SATL1: variants seen among roughly 807,000 people sequenced by gnomAD.
SATL1 encodes spermidine/spermine N1-acetyl transferase like 1.
In SATL1, 47 loss-of-function variants were observed where a neutral mutation model predicts 51.8. That is an observed-to-expected ratio of 0.91 (90% CI 0.72 to 1.16). SATL1 has a LOEUF of 1.16. Ranked by LOEUF, SATL1 falls within the 50% of genes most tolerant of loss-of-function variation. The pLI, the probability that SATL1 is intolerant of heterozygous loss-of-function variation, is 0.00. For missense variants in SATL1, 520 were observed against 526.4 expected, an observed-to-expected ratio of 0.99 and a Z score of 0.12; for synonymous variants, 176 against 182.4, an observed-to-expected ratio of 0.97 and a Z score of 0.28.
Position 85,107,896 on chromosome X carries a change from T to C in SATL1, c.1073A>G (p.Gln358Arg). 1 of 1,211,699 alleles carries C rather than the reference T, an allele frequency of 8.3e-7. No homozygotes were observed. Among genetic ancestry groups the C allele is most frequent in the Middle Eastern group, 2.3e-4 (1 of 4,352 alleles). Residue 358 changes from glutamine (Q) to arginine (R), a missense_variant, in exon 3 of 8, where the codon CAA becomes CGA. Coordinates refer to ENST00000644105, the MANE Select transcript of SATL1 (RefSeq NM_001367857.2). ...CGTGCTTGATTGTCTGGGGCCTGAT[T>C]GGCTTGGGGCTCGTTGCGGTGGACC... ...QPGPPQRAPS[Q>R]SGPRQSSTSQ... is the part of the protein sequence containing the mutation.
At chrX:85,172,098 T>G (rs1926984672) in intron 2 of SATL1, among the ~76,000 whole-genome samples, 2 of 111,529 alleles carry the variant, frequency 1.8e-5, no homozygotes, top group Admixed American at 9.6e-5. Flanking sequence ...CCAATTATCT[T>G]ATATCTTCTT....
chrX:85,129,843 GT>G (rs1235237145), intron 2 of SATL1, among the ~76,000 whole-genome samples: 1 of 111,465 alleles, frequency 9.0e-6, no homozygotes, highest in Non-Finnish European at 1.9e-5. Flanking sequence ...TTTATTGAGA[GT>G]TTTTAGCATG....
chrX:85,225,128 G>A (rs1928252285), intron 1 of SATL1, among the ~76,000 whole-genome samples: 1 of 111,897 alleles, frequency 8.9e-6, no homozygotes, highest in South Asian at 3.7e-4. Context: ...GGGGGTGGGA[G>A]AAAAGTAGGT....
At chrX:85,113,693 T>C (rs1490053033) in intron 2 of SATL1, among the ~76,000 whole-genome samples, 3 of 111,833 alleles carry the variant, frequency 2.7e-5, no homozygotes, top group African/African-American at 9.7e-5. Flanking sequence ...TATACTTGGC[T>C]TGATTATTTG....
chrX:85,198,421 T>G (rs983046140), intron 2 of SATL1, among the ~76,000 whole-genome samples: 5 of 111,706 alleles, frequency 4.5e-5, no homozygotes, highest in African/African-American at 1.6e-4. Context: ...TTCTCCATAG[T>G]GGTTGTACTA....
At chrX:85,095,063 G>A in intron 4 of SATL1, 67 bp from the exon 5 acceptor site, 1 of 583,869 alleles carries the variant, frequency 1.7e-6, no homozygotes, top group South Asian at 2.9e-5. Context: ...TGGTGGATAG[G>A]AAGCACTAGG....
chrX:85,222,438 G>A (rs1053576419), intron 2 of SATL1, among the ~76,000 whole-genome samples: 1 of 111,674 alleles, frequency 9.0e-6, no homozygotes, highest in African/African-American at 3.3e-5. Flanking sequence ...CAAATCTTAT[G>A]TTTGAACTTA....
intron 2 of SATL1, among the ~76,000 whole-genome samples, chrX:85,125,587 T>C (rs1187596103): frequency 9.2e-6 from 1 of 108,232 alleles, no homozygotes; most frequent in Admixed American, 1.0e-4. Flanking sequence ...CATTGCCTTA[T>C]GTAAATGGTG....
In SATL1 at chrX:85,215,691, T is replaced by G. The variant is rs189134996; in HGVS notation, c.-313+8514A>C. Among the ~76,000 whole-genome samples, 3 of 112,646 alleles carry G rather than the reference T, an allele frequency of 2.7e-5. No individual in the cohort carries two copies. The East Asian group carries it at 8.4e-4, about 32-fold the overall frequency. ...CAAGTTCTTTGCTACAGTGTCACAA[T>G]GACCTTTCTCCAGTTACCATTAAGT... On this transcript the variant is annotated intron_variant, in intron 2 of 7. Coordinates refer to ENST00000644105, the MANE Select transcript of SATL1 (RefSeq NM_001367857.2).
chrX:85,109,392 C>A, intron 2 of SATL1, 112 bp from the exon 3 acceptor site: 1 of 181,431 alleles, frequency 5.5e-6, no homozygotes, highest in Non-Finnish European at 1.0e-5. Context: ...ATGCAGGTAT[C>A]AAAGTGCCTA....
At position 85,199,146 on chromosome X, in the gene SATL1, C is replaced by T. The variant is rs374624078; in HGVS notation, c.-313+25059G>A. Among the ~76,000 whole-genome samples, 15 of 110,325 alleles carry T rather than the reference C, an allele frequency of 1.4e-4. No homozygotes were observed. In the East Asian group the frequency reaches 3.7e-3, roughly 27 times the overall value. On this transcript the variant is annotated intron_variant, in intron 2 of 7. Coordinates refer to ENST00000644105, the MANE Select transcript of SATL1 (RefSeq NM_001367857.2). ...ATTCATTCTTTCTATATTTTTGTAC[C>T]CATTAACCATCCCTACCTCCCCACA...
intron 1 of SATL1, among the ~76,000 whole-genome samples, chrX:85,241,034 C>T (rs1928582167): frequency 9.1e-6 from 1 of 110,359 alleles, no homozygotes; most frequent in South Asian, 3.9e-4. Context: ...ATTAGCTATT[C>T]CCCCCAAGGA....
Position 85,092,708 on chromosome X carries a change from A to G in SATL1, c.1918-147T>C, listed in dbSNP as rs1389819444. On this transcript the variant is annotated intron_variant, in intron 7 of 7. Transcript: ENST00000644105. ...TAGTAGTTACCTTTTGAACTTTTCT[A>G]TAGCTGTAAAAAGAAAAAAGTCTCA... 5 of 544,782 alleles carry G rather than the reference A, an allele frequency of 9.2e-6. No individual in the cohort carries two copies. In the South Asian group the frequency reaches 1.6e-4, roughly 17 times the overall value. The allele number at this position is 544,782 out of a possible 1,213,427, so 44.9% of individuals were successfully genotyped here. A position where few individuals can be genotyped will look rare whatever the true frequency, so the allele number is the denominator to read the frequency against.
chrX:85,217,695 C>A (rs1452396326), intron 2 of SATL1, among the ~76,000 whole-genome samples: 1 of 111,541 alleles, frequency 9.0e-6, no homozygotes, highest in East Asian at 2.8e-4. Flanking sequence ...TGTTAGATAT[C>A]AAATCCAAAA....
At chrX:85,242,899 C>G (rs2106666) in intron 1 of SATL1, among the ~76,000 whole-genome samples, 14,530 of 111,496 alleles carry the variant, frequency 0.13, 712 homozygotes, top group South Asian at 0.18. Context: ...AATGGCAGAG[C>G]AGAGTAGTTG....
At chrX:85,191,505 A>G (rs1216969313) in intron 2 of SATL1, among the ~76,000 whole-genome samples, 5 of 111,466 alleles carry the variant, frequency 4.5e-5, no homozygotes, top group Non-Finnish European at 9.4e-5. Context: ...CACTGACACC[A>G]TGTGCAATAG....
At chrX:85,178,647 C>CAAAA (rs748854565) in intron 2 of SATL1, among the ~76,000 whole-genome samples, 1 of 101,379 alleles carries the variant, frequency 9.9e-6, no homozygotes, top group Non-Finnish European at 2.0e-5. Context: ...AACAAACAAA[C>CAAAA]AAAAAAAAAC....
Position 85,123,325 on chromosome X carries a change from T to C in SATL1, c.-312-14045A>G, listed in dbSNP as rs1446223778. ...CCCCCACAACCTCACCAGTGTCTGT[T>C]ATTTTTTGATTTTTTAATTATAGCC... On this transcript the variant is annotated intron_variant, in intron 2 of 7. Transcript: ENST00000644105. Among the ~76,000 whole-genome samples, 3 of 111,093 alleles carry C rather than the reference T, an allele frequency of 2.7e-5. No homozygotes were observed. The Admixed American group carries it at 2.9e-4, about 11-fold the overall frequency.
chrX:85,145,424 T>C (rs1039611865), intron 2 of SATL1, among the ~76,000 whole-genome samples: 1 of 112,224 alleles, frequency 8.9e-6, no homozygotes, highest in Non-Finnish European at 1.9e-5. Flanking sequence ...ATAAATCTTG[T>C]TGAATGAGTG....
Sources: allele counts gnomAD v4.1 joint callset (sites outside exome capture counted in the v4.1 genomes callset), GRCh38; gene constraint gnomAD v4.1.1; transcripts MANE v1.5; gene names NCBI Gene and HGNC (gene_info 2026-07-23, HGNC 2026-07-21).